Variants in TMEM71 observed in about 807,000 individuals in gnomAD.
The protein encoded by TMEM71 is transmembrane protein 71.
TMEM71 carries 44 observed loss-of-function variants against 38.0 expected under a neutral mutation model. The ratio of observed to expected loss-of-function variants is 1.16; its 90% CI spans 0.91 to 1.49. TMEM71 has a LOEUF of 1.49. Among genes scored for constraint, TMEM71 ranks in the 40% most tolerant of loss-of-function variants. The probability of loss-of-function intolerance (pLI) is 0.00; values close to 1 mark genes in which losing one functional copy is unlikely to be tolerated. For synonymous variants in TMEM71, 133 were observed against 122.5 expected (o/e 1.09, Z -0.56); for missense variants, 367 against 348.6 (o/e 1.05, Z -0.42).
intron 4 of TMEM71, among the ~76,000 whole-genome samples, chr8:132,748,746 T>A (rs1828530019): frequency 6.6e-6 from 1 of 152,224 alleles, no homozygotes. Flanking sequence ...TCATCAAATT[T>A]GAGAACAAAA....
chr8:132,755,751 A>C (rs932263252), intron 3 of TMEM71, among the ~76,000 whole-genome samples: 1 of 152,210 alleles, frequency 6.6e-6, no homozygotes, highest in Admixed American at 6.5e-5. Flanking sequence ...CCTGTAATAA[A>C]ATACTGTTTC....
intron 4 of TMEM71, among the ~76,000 whole-genome samples, chr8:132,749,149 G>A (rs373528074): frequency 6.6e-6 from 1 of 152,186 alleles, no homozygotes; most frequent in African/African-American, 2.4e-5. Context: ...TCCTGAAGGA[G>A]GGTGCCTAAC....
the TMEM71 span, among the ~76,000 whole-genome samples, chr8:132,773,353 T>A: frequency 6.6e-6 from 1 of 152,244 alleles, no homozygotes; most frequent in African/African-American, 2.4e-5. Flanking sequence ...CATAAGACCT[T>A]ATTTTATTTT....
intron 7 of TMEM71, among the ~76,000 whole-genome samples, chr8:132,716,773 CCT>C (rs906219643): frequency 5.3e-5 from 8 of 151,594 alleles, no homozygotes; most frequent in African/African-American, 1.9e-4. Flanking sequence ...TATAAATTAT[CCT>C]CTCTCTCTCT....
the TMEM71 span, among the ~76,000 whole-genome samples, chr8:132,766,964 A>G: frequency 6.6e-6 from 1 of 152,320 alleles, no homozygotes; most frequent in East Asian, 1.9e-4. Context: ...TATGTTCAAC[A>G]TTCAATACCA....
downstream of TMEM71, among the ~76,000 whole-genome samples, chr8:132,708,319 C>T (rs1826124338): frequency 6.6e-6 from 1 of 152,184 alleles, no homozygotes; most frequent in South Asian, 2.1e-4. Context: ...TAAGGTTATA[C>T]TCTCCACTCC....
chr8:132,724,316 T>C (rs1456362515), intron 6 of TMEM71, among the ~76,000 whole-genome samples: 1 of 152,104 alleles, frequency 6.6e-6, no homozygotes, highest in Admixed American at 6.5e-5. Context: ...TCAGTCCTTA[T>C]CTCAACGGCA....
intron 5 of TMEM71, among the ~76,000 whole-genome samples, chr8:132,732,867 T>C (rs1361642798): frequency 1.3e-5 from 2 of 152,132 alleles, no homozygotes; most frequent in South Asian, 4.1e-4. Flanking sequence ...CACCCAACAG[T>C]GCACAGGGCA....
intron 6 of TMEM71, among the ~76,000 whole-genome samples, chr8:132,723,907 G>A (rs768544997): frequency 1.2e-4 from 19 of 152,168 alleles, no homozygotes; most frequent in Non-Finnish European, 2.5e-4. Context: ...GAAATAAACA[G>A]AAAGAGTACA....
chr8:132,753,784 G>C (rs74638301), intron 3 of TMEM71, among the ~76,000 whole-genome samples: 1 of 151,998 alleles, frequency 6.6e-6, no homozygotes, highest in South Asian at 2.1e-4. Context: ...CTCCATTATC[G>C]GGTTATCTTA....
chr8:132,710,813 A>G lies in TMEM71; in HGVS notation c.*154T>C. On this transcript the variant is annotated 3_prime_UTR_variant, in exon 10 of 10. Coordinates refer to ENST00000677595, the MANE Select transcript of TMEM71 (RefSeq NM_001382403.1). Reference sequence around the variant, plus strand: ...TAATTTTGATGGAAAAACTGAGATCATTTTAAAATCACATAGTCAAACTAA... The same window carrying G: ...TAATTTTGATGGAAAAACTGAGATCGTTTTAAAATCACATAGTCAAACTAA... The G allele has an allele frequency of 2.8e-6, 2 of 703,206 alleles. No individual in the cohort carries two copies. Among genetic ancestry groups the G allele is most frequent in the South Asian group, 3.3e-5 (2 of 61,064 alleles). 43.6% of individuals were successfully genotyped at this position (703,206 alleles called of 1,614,324 possible). A position where few individuals can be genotyped will look rare whatever the true frequency, so the allele number is the denominator to read the frequency against.
At chr8:132,726,789 A>C (rs1263272869) in intron 6 of TMEM71, among the ~76,000 whole-genome samples, 1 of 151,392 alleles carries the variant, frequency 6.6e-6, no homozygotes, top group Non-Finnish European at 1.5e-5. Context: ...TTATCTTTTG[A>C]CTTTTCCTTG....
the TMEM71 span, among the ~76,000 whole-genome samples, chr8:132,769,936 C>T: frequency 6.6e-6 from 1 of 152,150 alleles, no homozygotes; most frequent in African/African-American, 2.4e-5. Context: ...TTCAGGATGC[C>T]ACTAAATTGC....
chr8:132,728,050 T>G (rs1385114653), intron 5 of TMEM71, 64 bp from the exon 6 acceptor site: 2 of 1,082,080 alleles, frequency 1.8e-6, no homozygotes, highest in Non-Finnish European at 1.3e-6. Context: ...GTGTGTGTGT[T>G]CAGTGACTGC....
At chr8:132,775,507 C>T in the TMEM71 span, 20 of 376,076 alleles carry the variant, frequency 5.3e-5, no homozygotes, top group South Asian at 1.3e-4. Flanking sequence ...GCGCTGCGGC[C>T]CCAGCTCGCT....
chr8:132,741,505 G>A (rs1378872004), intron 5 of TMEM71, among the ~76,000 whole-genome samples: 1 of 152,030 alleles, frequency 6.6e-6, no homozygotes, highest in Non-Finnish European at 1.5e-5. Context: ...AAGCAAAAGG[G>A]GCAGGGTAAA....
chr8:132,707,344 T>C (rs559421563), downstream of TMEM71, among the ~76,000 whole-genome samples: 2 of 151,640 alleles, frequency 1.3e-5, no homozygotes, highest in African/African-American at 4.9e-5. Context: ...CAAGATTTCG[T>C]CTCTTTTTAT....
the TMEM71 span, chr8:132,775,282 A>C: frequency 3.1e-6 from 1 of 327,670 alleles, no homozygotes; most frequent in Non-Finnish European, 5.5e-6. Flanking sequence ...CGGCCCGCCA[A>C]TCGGCTGCGC....
intron 5 of TMEM71, among the ~76,000 whole-genome samples, chr8:132,738,617 G>C (rs1408265136): frequency 1.3e-5 from 2 of 152,096 alleles, no homozygotes; most frequent in Non-Finnish European, 2.9e-5. Flanking sequence ...ATTCTTGATT[G>C]ATTAGATAAA....
Sources: gnomAD v4.1 joint callset for allele counts (sites outside exome capture counted in the v4.1 genomes callset) on GRCh38, gnomAD v4.1.1 for gene constraint, MANE v1.5 for transcripts, NCBI Gene and HGNC (gene_info 2026-07-23, HGNC 2026-07-21) for gene names.